The following KCTD16 variants were observed in gnomAD, a reference collection of about 807,000 sequenced individuals.
KCTD16 encodes the protein potassium channel tetramerization domain containing 16, also known as BTB/POZ domain-containing protein KCTD16.
A neutral mutation model predicts 33.2 loss-of-function variants in KCTD16; 13 were observed. The observed-to-expected ratio is 0.39, with a 90% CI of 0.25 to 0.62. KCTD16 has a LOEUF of 0.62. Ranked by LOEUF, KCTD16 falls within the 20% of genes least tolerant of loss-of-function variation. The pLI, the probability that KCTD16 is intolerant of heterozygous loss-of-function variation, is 0.50. For missense variants in KCTD16, 441 were observed against 525.1 expected (o/e 0.84, Z 1.57); for synonymous variants, 197 against 195.3 (o/e 1.01, Z -0.07).
intron 3 of KCTD16, among the ~76,000 whole-genome samples, chr5:144,427,690 G>A (rs2126966813): frequency 6.6e-6 from 1 of 152,194 alleles, no homozygotes; most frequent in African/African-American, 2.4e-5. Context: ...TTGGTATGGA[G>A]TACAGCCTGG....
chr5:144,485,251 A>C lies in KCTD16; in HGVS notation c.*11137A>C, dbSNP rs1580999135. The C allele has an allele frequency of 6.6e-6, 1 of 151,870 alleles. No individual in the cohort carries two copies. Among genetic ancestry groups the C allele is most frequent in the Non-Finnish European group, 1.5e-5 (1 of 67,886 alleles). 9.4% of individuals were successfully genotyped at this position (151,870 alleles called of 1,614,324 possible). On this transcript the variant is annotated 3_prime_UTR_variant, in exon 4 of 4. Transcript: ENST00000512467. Reference sequence around the variant, plus strand: ...ACATCATTTTGGCAATCATTGGTTCACTCAGAAGGCAACCGCCTATAGATG... The same window carrying C: ...ACATCATTTTGGCAATCATTGGTTCCCTCAGAAGGCAACCGCCTATAGATG...
At chr5:144,257,291 G>T (rs890223185) in intron 3 of KCTD16, among the ~76,000 whole-genome samples, 1 of 152,146 alleles carries the variant, frequency 6.6e-6, no homozygotes, top group Non-Finnish European at 1.5e-5. Flanking sequence ...AAGTGTAAGA[G>T]AAAGTTTTTT....
At chr5:144,400,491 T>C (rs1257476489) in intron 3 of KCTD16, among the ~76,000 whole-genome samples, 4 of 152,190 alleles carry the variant, frequency 2.6e-5, no homozygotes, top group African/African-American at 9.7e-5. Context: ...AGTGTTATTA[T>C]TGATCATAGT....
At chr5:144,179,996 C>G (rs1005995517) in intron 2 of KCTD16, among the ~76,000 whole-genome samples, 2 of 152,180 alleles carry the variant, frequency 1.3e-5, no homozygotes, top group South Asian at 2.1e-4. Context: ...CAGTCCTCTG[C>G]CTGGAGAAAT....
chr5:144,405,055 T>C (rs1221567108), intron 3 of KCTD16, among the ~76,000 whole-genome samples: 1 of 152,216 alleles, frequency 6.6e-6, no homozygotes, highest in Non-Finnish European at 1.5e-5. Context: ...ACAGGTACTT[T>C]CTTAAGCACT....
At chr5:144,364,953 T>G (rs970094253) in intron 3 of KCTD16, among the ~76,000 whole-genome samples, 1 of 152,182 alleles carries the variant, frequency 6.6e-6, no homozygotes, top group Admixed American at 6.6e-5. Context: ...CTTATGGCTG[T>G]TTTAGTAATT....
At chr5:144,225,552 TTGTGTGTGTGTGTGTGTG>T (rs10550980) in intron 3 of KCTD16, among the ~76,000 whole-genome samples, 16 of 138,322 alleles carry the variant, frequency 1.2e-4, no homozygotes, top group African/African-American at 4.2e-4. Flanking sequence ...CAAAAATAAA[TTGTGTGTGTGTGTGTGTG>T]TGTGTGTGTG....
At chr5:144,442,232 A>G (rs1014851652) in intron 3 of KCTD16, among the ~76,000 whole-genome samples, 1 of 152,090 alleles carries the variant, frequency 6.6e-6, no homozygotes, top group East Asian at 1.9e-4. Context: ...TTGTGCTAGC[A>G]GGGTTTCAGC....
At chr5:144,367,888 T>A (rs1029209704) in intron 3 of KCTD16, among the ~76,000 whole-genome samples, 1 of 150,824 alleles carries the variant, frequency 6.6e-6, no homozygotes, top group African/African-American at 2.5e-5. Context: ...TTCCCAATTA[T>A]AATTGAGAAC....
rs150307545 is a variant in KCTD16, at chr5:144,418,562, C to G, written c.833-55098C>G. Among the ~76,000 whole-genome samples, 423 of 152,220 alleles carry G rather than the reference C, an allele frequency of 2.8e-3. 2 individuals carry two copies. The highest frequency in any genetic ancestry group is 9.8e-3 in the African/African-American group (407 of 41,550). On this transcript the variant is annotated intron_variant, in intron 3 of 3. Coordinates refer to ENST00000512467, the MANE Select transcript of KCTD16 (RefSeq NM_020768.4). ...GACCCAGAAGCCTAGCTGGCTTCAC[C>G]TCTCAGAGACTGTACTTCTTTACTG...
chr5:144,468,493 G>C (rs943795795), intron 3 of KCTD16, among the ~76,000 whole-genome samples: 15 of 152,146 alleles, frequency 9.9e-5, no homozygotes, highest in African/African-American at 3.6e-4. Context: ...AGTAAAAACG[G>C]TCAACTGCAA....
intron 3 of KCTD16, among the ~76,000 whole-genome samples, chr5:144,242,424 T>C (rs1355143299): frequency 6.6e-6 from 1 of 152,164 alleles, no homozygotes; most frequent in East Asian, 1.9e-4. Flanking sequence ...ATAACACCTT[T>C]ACCAAGTTCC....
chr5:144,265,819 T>G (rs1371706902), intron 3 of KCTD16, among the ~76,000 whole-genome samples: 1 of 152,206 alleles, frequency 6.6e-6, no homozygotes, highest in African/African-American at 2.4e-5. Context: ...ATTGTCTCAT[T>G]GAGAAAACAA....
chr5:144,273,681 C>T (rs1318039469), intron 3 of KCTD16, among the ~76,000 whole-genome samples: 1 of 141,548 alleles, frequency 7.1e-6, no homozygotes, highest in East Asian at 2.1e-4. Context: ...CACAAAAAGA[C>T]AAATACTTTA....
intron 3 of KCTD16, among the ~76,000 whole-genome samples, chr5:144,286,032 G>A (rs538655674): frequency 6.8e-6 from 1 of 148,138 alleles, no homozygotes; most frequent in South Asian, 2.1e-4. Flanking sequence ...TGGCAGGAAA[G>A]TTTTTTATTT....
chr5:144,197,338 C>T (rs1752958152), intron 2 of KCTD16, among the ~76,000 whole-genome samples: 1 of 152,098 alleles, frequency 6.6e-6, no homozygotes, highest in Non-Finnish European at 1.5e-5. Context: ...GGTCAGTTCT[C>T]TGATGCTCTA....
At chr5:144,316,470 C>T (rs975124821) in intron 3 of KCTD16, among the ~76,000 whole-genome samples, 2 of 150,408 alleles carry the variant, frequency 1.3e-5, no homozygotes, top group Non-Finnish European at 3.0e-5. Flanking sequence ...TACTACCCTG[C>T]GTAATTTTTC....
Position 144,330,060 on chromosome 5 carries a change from A to G in KCTD16, c.832+122514A>G, listed in dbSNP as rs149964808. ...GTGCAAAATAAAGTCACAATTTGTA[A>G]GATATTCAGCTTATTGAAATAATAT... On this transcript the variant is annotated intron_variant, in intron 3 of 3. Transcript: ENST00000512467. 1.8e-4 allele frequency among the ~76,000 whole-genome samples: 28 copies of G among 152,236 alleles called. No homozygotes were observed. In the East Asian group the frequency reaches 4.4e-3, roughly 24 times the overall value.
chr5:144,246,176 C>A (rs1754544857), intron 3 of KCTD16, among the ~76,000 whole-genome samples: 1 of 152,126 alleles, frequency 6.6e-6, no homozygotes, highest in African/African-American at 2.4e-5. Flanking sequence ...AGCTGAGTCT[C>A]CACTTTTCTA....
Sources: allele counts gnomAD v4.1 joint callset (sites outside exome capture counted in the v4.1 genomes callset), GRCh38; gene constraint gnomAD v4.1.1; transcripts MANE v1.5; gene names NCBI Gene and HGNC (gene_info 2026-07-23, HGNC 2026-07-21).